Variants in TECTB observed in about 807,000 individuals in gnomAD.
TECTB encodes tectorin beta.
Under a neutral mutation model 43.3 loss-of-function variants are expected in TECTB, and 45 were observed. The observed-to-expected ratio is 1.04, with a 90% CI of 0.82 to 1.33. The LOEUF (loss-of-function observed/expected upper bound fraction) is 1.33, where lower values mean the gene tolerates loss of function less well. Among genes scored for constraint, TECTB ranks in the 40% most tolerant of loss-of-function variants. The pLI is 0.00. For missense variants in TECTB, 399 were observed against 404.7 expected, an observed-to-expected ratio of 0.99 and a Z score of 0.12; for synonymous variants, 169 against 156.7, an observed-to-expected ratio of 1.08 and a Z score of -0.59.
At chr10:112,291,346 T>C (rs1848497388) in intron 5 of TECTB, among the ~76,000 whole-genome samples, 1 of 152,204 alleles carries the variant, frequency 6.6e-6, no homozygotes, top group African/African-American at 2.4e-5. Flanking sequence ...ATCCCATTAC[T>C]GGGTATATAC....
At chr10:112,296,585 CT>C (rs1487877627) in intron 7 of TECTB, among the ~76,000 whole-genome samples, 1 of 152,190 alleles carries the variant, frequency 6.6e-6, no homozygotes, top group Non-Finnish European at 1.5e-5. Context: ...CTACAGAAGT[CT>C]TGTTTCACAA....
intron 5 of TECTB, among the ~76,000 whole-genome samples, chr10:112,288,923 A>C (rs1211565589): frequency 6.6e-6 from 1 of 152,140 alleles, no homozygotes; most frequent in Non-Finnish European, 1.5e-5. Flanking sequence ...TTACGGAAAT[A>C]CCCTAGTGCT....
chr10:112,298,430 C>A (rs1011500467), intron 8 of TECTB, among the ~76,000 whole-genome samples, 199 bp downstream of exon 8: 2 of 152,210 alleles, frequency 1.3e-5, no homozygotes, highest in African/African-American at 4.8e-5. Flanking sequence ...TCCAACAACC[C>A]ACATGGTCTG....
chr10:112,297,803 G>C (rs1848561772), intron 7 of TECTB, among the ~76,000 whole-genome samples: 1 of 152,072 alleles, frequency 6.6e-6, no homozygotes, highest in Non-Finnish European at 1.5e-5. Flanking sequence ...TTGGGACACA[G>C]GTGTAACTTA....
intron 7 of TECTB, among the ~76,000 whole-genome samples, chr10:112,297,374 C>T (rs1368015801): frequency 3.9e-5 from 6 of 151,966 alleles, no homozygotes; most frequent in African/African-American, 1.2e-4. Flanking sequence ...ACCTTTGAGA[C>T]GTTGGAATAT....
intron 5 of TECTB, among the ~76,000 whole-genome samples, chr10:112,288,471 A>G (rs1848472844): frequency 6.6e-6 from 1 of 152,184 alleles, no homozygotes; most frequent in South Asian, 2.1e-4. Context: ...GAGGCCCACC[A>G]AGACCTTTCC....
At chr10:112,292,337 A>C (rs1848506192) in intron 5 of TECTB, among the ~76,000 whole-genome samples, 1 of 152,174 alleles carries the variant, frequency 6.6e-6, no homozygotes, top group African/African-American at 2.4e-5. Flanking sequence ...ATGCCAGGCC[A>C]GTGATCAGAA....
rs928997613 is a variant in TECTB at position 112,284,428 on chromosome 10, T to A, written c.77-107T>A. On this transcript the variant is annotated intron_variant, in intron 2 of 10. Transcript: ENST00000646139. ...TGAGGAATAGCAGGGAAGGTGTTTT[T>A]AACCAACTGCTTTTGCATGCTCAGG... The A allele has an allele frequency of 1.6e-4, 186 of 1,173,810 alleles. No homozygotes were observed. The African/African-American group carries it at 2.7e-3, about 17-fold the overall frequency. 72.7% of individuals were successfully genotyped at this position (1,173,810 alleles called of 1,614,324 possible). A position where few individuals can be genotyped will look rare whatever the true frequency, so the allele number is the denominator to read the frequency against.
At position 112,293,973 on chromosome 10, in the gene TECTB, T is replaced by C; in HGVS notation, c.588-5T>C. 6.2e-7 allele frequency: 1 copy of C among 1,614,192 alleles called. No homozygotes were observed. Among genetic ancestry groups the C allele is most frequent in the Non-Finnish European group, 8.5e-7 (1 of 1,180,006 alleles). On this transcript the variant is annotated splice_region_variant and splice_polypyrimidine_tract_variant and intron_variant, in intron 6 of 10. Coordinates refer to ENST00000646139, the MANE Select transcript of TECTB (RefSeq NM_058222.3). ...CAAAGTGATGCCATTTTGTTTTATTTCCAGGTTTAAAGTGGTCTTGAACAG... is the reference window on the plus strand; with the variant it reads ...CAAAGTGATGCCATTTTGTTTTATTCCCAGGTTTAAAGTGGTCTTGAACAG...
rs747591056 is a variant in TECTB at position 112,299,478 on chromosome 10, C to T, written c.835-14C>T. The T allele has an allele frequency of 1.9e-6, 3 of 1,614,192 alleles. No homozygotes were observed. The highest frequency in any genetic ancestry group is 2.5e-6 in the Non-Finnish European group (3 of 1,179,988). ...TTCCCCGCTTCTCTCCTGTCTGCCTCTCTGGGTCTTCAGACCTGCGATAAA... is the reference window on the plus strand; with the variant it reads ...TTCCCCGCTTCTCTCCTGTCTGCCTTTCTGGGTCTTCAGACCTGCGATAAA... On this transcript the variant is annotated splice_polypyrimidine_tract_variant and intron_variant, in intron 8 of 10. Coordinates refer to ENST00000646139, the MANE Select transcript of TECTB (RefSeq NM_058222.3).
In TECTB at chr10:112,301,990, TG is replaced by T. The variant is rs549269436; in HGVS notation, c.908-110del. On this transcript the variant is annotated intron_variant, in intron 9 of 10. Transcript: ENST00000646139. ...CCTCCCAAAGTGCTGGGATTACAAG[TG>T]TGAGCCGCAGCCCCCAGCCAGGTTT... 4.7e-5 allele frequency: 61 copies of T among 1,306,776 alleles called. No individual in the cohort carries two copies. In the Admixed American group the frequency reaches 1.1e-3, roughly 25 times the overall value. The allele number at this position is 1,306,776 out of a possible 1,614,324, so 80.9% of individuals were successfully genotyped here.
intron 8 of TECTB, 133 bp downstream of exon 8, chr10:112,298,364 G>A (rs930828609): frequency 8.6e-7 from 1 of 1,160,642 alleles, no homozygotes; most frequent in African/African-American, 1.5e-5. Context: ...AAATGGCACT[G>A]AGTATAAGGG....
At chr10:112,284,847 C>T (rs1848441409) in intron 3 of TECTB, 122 bp downstream of exon 3, 3 of 824,546 alleles carry the variant, frequency 3.6e-6, no homozygotes, top group Non-Finnish European at 5.2e-6. Context: ...AAAGGTCAGT[C>T]CTGATTCCCA....
chr10:112,284,607 T>C lies in TECTB; in HGVS notation c.149T>C (p.Val50Ala). Residue 50 changes from valine (V) to alanine (A), a missense_variant, in exon 3 of 11, where the codon GTT (valine) becomes GCT (alanine). By Grantham distance (64) the Val-to-Ala change is moderately conservative (BLOSUM62 0). Coordinates refer to ENST00000646139, the MANE Select transcript of TECTB (RefSeq NM_058222.3). ...KIPECPYGWE[V>A]HQLALGGLCY... The stretch of plus-strand genomic sequence containing the variant: ...CCCGAGTGTCCCTATGGATGGGAAG[T>C]TCATCAGCTGGCCCTCGGAGGGCTG... 6.2e-7 allele frequency: 1 copy of C among 1,613,810 alleles called. No individual in the cohort carries two copies. Among genetic ancestry groups the C allele is most frequent in the South Asian group, 1.1e-5 (1 of 90,988 alleles).
At chr10:112,297,264 A>G (rs973063056) in intron 7 of TECTB, among the ~76,000 whole-genome samples, 2 of 152,170 alleles carry the variant, frequency 1.3e-5, no homozygotes, top group Non-Finnish European at 2.9e-5. Flanking sequence ...CAGCCTGGAC[A>G]ATCACAGTGC....
chr10:112,291,135 T>C (rs926210511), intron 5 of TECTB, among the ~76,000 whole-genome samples: 9 of 152,226 alleles, frequency 5.9e-5, no homozygotes, highest in South Asian at 4.1e-4. Context: ...TAGCTATTTT[T>C]CCAAATGCTC....
chr10:112,300,293 AAGAAAGAAAGAAAGAAAGAAAG>A (rs1848596113), intron 9 of TECTB, among the ~76,000 whole-genome samples: 5 of 114,748 alleles, frequency 4.4e-5, no homozygotes, highest in African/African-American at 1.7e-4. Context: ...GAAAGAAAGA[AAGAAAGAAAGAAAGAAAGAAAG>A]AAAGAGAAAG....
intron 3 of TECTB, among the ~76,000 whole-genome samples, chr10:112,284,928 C>T (rs1403952643): frequency 4.6e-5 from 7 of 152,216 alleles, no homozygotes; most frequent in Admixed American, 4.6e-4. Context: ...TTTGGCTTGA[C>T]TCTTATCCTC....
At chr10:112,286,260 T>C (rs749002446) in intron 4 of TECTB, 47 bp downstream of exon 4, 2 of 1,613,714 alleles carry the variant, frequency 1.2e-6, no homozygotes, top group African/African-American at 1.3e-5. Context: ...ATGTGTGTAC[T>C]GCAGGTCCTA....
Sources: gnomAD v4.1 joint callset for allele counts (sites outside exome capture counted in the v4.1 genomes callset) on GRCh38, gnomAD v4.1.1 for gene constraint, MANE v1.5 for transcripts, NCBI Gene and HGNC (gene_info 2026-07-23, HGNC 2026-07-21) for gene names.